PCK2: variants seen among roughly 807,000 people sequenced by gnomAD.
PCK2 encodes the protein phosphoenolpyruvate carboxykinase [GTP], mitochondrial.
A neutral mutation model predicts 65.9 loss-of-function variants in PCK2; 56 were observed. That is an observed-to-expected ratio of 0.85 (90% CI 0.69 to 1.06). The LOEUF is 1.06. Ranked by LOEUF, PCK2 falls within the 50% of genes least tolerant of loss-of-function variation. The pLI is 0.00. For missense variants in PCK2, 843 were observed against 863.1 expected, an observed-to-expected ratio of 0.98 and a Z score of 0.29; for synonymous variants, 305 against 319.6, an observed-to-expected ratio of 0.95 and a Z score of 0.49.
In PCK2 at chr14:24,103,510, G is replaced by A. The variant is rs747934849; in HGVS notation, c.1469G>A (p.Gly490Glu). ...CTTACCCATCTTGCTTCCCCCCCAG[G>A]GAAGATCATCATGCACGACCCATTT... ...SESTAAAEHK[G>E]KIIMHDPFAM... The change falls in exon 10 of 10, where the codon GGG becomes GAG. Residue 490 changes from glycine to glutamate, a missense_variant and splice_region_variant. Transcript: ENST00000216780. 7 of 1,543,540 alleles carry A rather than the reference G, an allele frequency of 4.5e-6. No homozygotes were observed. Among genetic ancestry groups the A allele is most frequent in the Non-Finnish European group, 5.2e-6 (6 of 1,144,640 alleles).
chr14:24,100,508 T>C, intron 7 of PCK2: 2 of 818,574 alleles, frequency 2.4e-6, no homozygotes, highest in African/African-American at 1.7e-5. Flanking sequence ...GATTAAATAG[T>C]GCATAAAAAG....
At position 24,094,597 on chromosome 14, in the gene PCK2, C is replaced by G. The variant is rs1174694315; in HGVS notation, c.29+163C>G. 1 of 1,457,866 alleles carries G rather than the reference C, an allele frequency of 6.9e-7. No homozygotes were observed. The highest frequency in any genetic ancestry group is 1.4e-5 in the African/African-American group (1 of 70,518). 90.3% of individuals were successfully genotyped at this position (1,457,866 alleles called of 1,614,324 possible). On this transcript the variant is annotated intron_variant, in intron 1 of 9. Transcript: ENST00000216780. The surrounding 1 kb of genome is among the most constrained non-coding windows in gnomAD (Gnocchi z 4.1). ...GGGTCCAGCCTCCCGCGCCGCGCGT[C>G]TCTTGGGAGGGCAGCCGGCCGGTGC...
At chr14:24,102,701 T>C (rs1157777285) in intron 7 of PCK2, 52 bp from the exon 8 acceptor site, 3 of 1,541,416 alleles carry the variant, frequency 1.9e-6, no homozygotes, top group African/African-American at 1.4e-5. Context: ...TATGTGTGTG[T>C]TGGGGGTCGA....
intron 7 of PCK2, 94 bp from the exon 8 acceptor site, chr14:24,102,659 A>C: frequency 8.6e-7 from 1 of 1,163,760 alleles, no homozygotes; most frequent in Non-Finnish European, 1.2e-6. Context: ...GGCAAAAAAA[A>C]AAAAAGAACC....
At chr14:24,102,542 A>T (rs1371046303) in intron 7 of PCK2, 1 of 543,662 alleles carries the variant, frequency 1.8e-6, no homozygotes, top group Admixed American at 3.3e-5. Flanking sequence ...CTTTTCTCAC[A>T]TAGCTCAGCT....
intron 7 of PCK2, 108 bp downstream of exon 7, chr14:24,100,321 C>A: frequency 6.6e-7 from 1 of 1,518,722 alleles, no homozygotes; most frequent in African/African-American, 1.4e-5. Flanking sequence ...CCAGGAGGCA[C>A]AGAAGTCATG....
chr14:24,094,287 A>T, upstream of PCK2: 5 of 979,332 alleles, frequency 5.1e-6, no homozygotes, highest in African/African-American at 1.7e-5. This position sits in a 1 kb window ranked among gnomAD's most constrained non-coding sequence, Gnocchi z 4.1. Context: ...CCTCCTTTTT[A>T]AGCGCCTCCC....
chr14:24,103,810 T>C lies in PCK2; in HGVS notation c.1769T>C (p.Ile590Thr), dbSNP rs749578321. 14 of 1,614,004 alleles carry C rather than the reference T, an allele frequency of 8.7e-6. No individual in the cohort carries two copies. The highest frequency in any genetic ancestry group is 3.3e-5 in the Admixed American group (2 of 60,002). ...TTGGATCTCAGCGGCCTCAGAGCTATAGACACCACTCAGCTGTTCTCCCTC... is the reference window on the plus strand; with the variant it reads ...TTGGATCTCAGCGGCCTCAGAGCTACAGACACCACTCAGCTGTTCTCCCTC... Reference protein sequence around the residue: ...GALDLSGLRAIDTTQLFSLPK... With the variant: ...GALDLSGLRATDTTQLFSLPK... The change falls in exon 10 of 10, where the codon ATA becomes ACA. Residue 590 changes from isoleucine to threonine, a missense_variant. Ile to Thr is a moderately conservative substitution (Grantham distance 89). Coordinates refer to ENST00000216780, the MANE Select transcript of PCK2 (RefSeq NM_004563.4).
In PCK2 at chr14:24,103,739, CA is replaced by C. The variant is rs769137289; in HGVS notation, c.1699del (p.Ser567ValfsTer24). The C allele has an allele frequency of 6.2e-7, 1 of 1,614,204 alleles. No homozygotes were observed. Among genetic ancestry groups the C allele is most frequent in the Non-Finnish European group, 8.5e-7 (1 of 1,180,026 alleles). ...WICRRLEGED[S>X]ARETPIGLVP... Reference sequence around the variant, plus strand: ...TCTGCCGGCGGTTAGAGGGGGAGGACAGTGCCCGAGAGACACCCATTGGGCT... The same window carrying C: ...TCTGCCGGCGGTTAGAGGGGGAGGACGTGCCCGAGAGACACCCATTGGGCT... On this transcript the variant is annotated frameshift_variant, in exon 10 of 10. Coordinates refer to ENST00000216780, the MANE Select transcript of PCK2 (RefSeq NM_004563.4). LOFTEE classifies it high-confidence loss of function.
chr14:24,103,267 C>T lies in PCK2; in HGVS notation c.1468+12C>T. The stretch of plus-strand genomic sequence containing the variant: ...AGCAGAACACAAAGGTGAGCACCCT[C>T]ACCATTCCTCCCTCTCCTGTGTGTG... On this transcript the variant is annotated intron_variant, in intron 9 of 9. Transcript: ENST00000216780. The T allele has an allele frequency of 6.3e-7, 1 of 1,598,806 alleles. No homozygotes were observed. Among genetic ancestry groups the T allele is most frequent in the East Asian group, 2.2e-5 (1 of 44,780 alleles).
chr14:24,103,007 C>G, intron 8 of PCK2, 117 bp downstream of exon 8: 1 of 1,307,676 alleles, frequency 7.6e-7, no homozygotes, highest in Non-Finnish European at 1.1e-6. Flanking sequence ...CAGAGTTCTC[C>G]CCTGGTGAAT....
In PCK2 at chr14:24,094,402, T is replaced by G. The variant is rs530765424; in HGVS notation, c.-4T>G. 13 of 1,557,970 alleles carry G rather than the reference T, an allele frequency of 8.3e-6. No individual in the cohort carries two copies. In the Admixed American group the frequency reaches 9.3e-5, roughly 11 times the overall value. ...GGCCACCCCGCAGCCCCTGCCCAGG[T>G]GCCATGGCCGCATTGTACCGCCCTG... On this transcript the variant is annotated 5_prime_UTR_variant, in exon 1 of 10. Transcript: ENST00000216780. This position sits in a 1 kb window ranked among gnomAD's most constrained non-coding sequence, Gnocchi z 4.1.
rs1308638287 is a variant in PCK2 at position 24,098,364 on chromosome 14, A to G, written c.437A>G (p.Glu146Gly). 6.2e-7 allele frequency: 1 copy of G among 1,613,052 alleles called. No homozygotes were observed. Among genetic ancestry groups the G allele is most frequent in the African/African-American group, 1.3e-5 (1 of 74,936 alleles). ...SPADFQRAVD[E>G]RFPGCMQGRT... is the part of the protein sequence containing the mutation. ...GCTGATTTCCAGCGAGCTGTGGATG[A>G]GAGGTTTCCAGGCTGCATGCAGGGT... Residue 146 changes from glutamate to glycine, a missense_variant, in exon 3 of 10, where the codon GAG becomes GGG. Transcript: ENST00000216780.
Position 24,098,206 on chromosome 14 carries a change from G to A in PCK2, c.279G>A (p.Trp93Ter), listed in dbSNP as rs770169595. 6.3e-6 allele frequency: 10 copies of A among 1,593,666 alleles called. No individual in the cohort carries two copies. Among genetic ancestry groups the A allele is most frequent in the Non-Finnish European group, 6.9e-6 (8 of 1,166,318 alleles). ...CTGACAATCCCCTCTCCCCCAGCTG[G>A]CTGGCCCGCACAGACCCCAAGGATG... ...IRKLPKYNNCWLARTDPKDVA... is the reference protein window; with the variant it reads ...IRKLPKYNNC Residue 93 changes from tryptophan (W) to a stop codon, truncating the protein, a stop_gained, in exon 3 of 10, where the codon TGG (tryptophan) becomes TGA (stop). Transcript: ENST00000216780. LOFTEE classifies it high-confidence loss of function.
chr14:24,099,946 C>T, intron 6 of PCK2, 49 bp from the exon 7 acceptor site: 1 of 1,614,032 alleles, frequency 6.2e-7, no homozygotes, highest in Non-Finnish European at 8.5e-7. Context: ...GGTCTTACAT[C>T]TCAAGTTTTC....
intron 7 of PCK2, 110 bp from the exon 8 acceptor site, chr14:24,102,643 T>C: frequency 1.1e-6 from 1 of 898,152 alleles, no homozygotes; most frequent in Non-Finnish European, 1.7e-6. Flanking sequence ...TCTAGGCAGC[T>C]GATGAGGCAA....
chr14:24,094,898 T>C lies in PCK2; in HGVS notation c.29+464T>C. The stretch of plus-strand genomic sequence containing the variant: ...AGAGCCCCCTAAAGAAGGTGGAAGG[T>C]TAAATATCCATTCCCGGCCTCTCCC... On this transcript the variant is annotated intron_variant, in intron 1 of 9. Coordinates refer to ENST00000216780, the MANE Select transcript of PCK2 (RefSeq NM_004563.4). The surrounding 1 kb of genome is among the most constrained non-coding windows in gnomAD (Gnocchi z 4.1). The C allele has an allele frequency of 8.1e-7, 1 of 1,233,168 alleles. No homozygotes were observed. The highest frequency in any genetic ancestry group is 1.1e-6 in the Non-Finnish European group (1 of 937,770). The allele number at this position is 1,233,168 out of a possible 1,614,324, so 76.4% of individuals were successfully genotyped here. A position where few individuals can be genotyped will look rare whatever the true frequency, so the allele number is the denominator to read the frequency against.
In PCK2 at chr14:24,094,318, G is replaced by T. The variant is rs949071358; in HGVS notation, c.-88G>T. On this transcript the variant is annotated 5_prime_UTR_variant, in exon 1 of 10. Coordinates refer to ENST00000216780, the MANE Select transcript of PCK2 (RefSeq NM_004563.4). The surrounding 1 kb of genome is among the most constrained non-coding windows in gnomAD (Gnocchi z 4.1). The stretch of plus-strand genomic sequence containing the variant: ...CTCCCGCCAGCCTCTGCTGTGGCTC[G>T]CTTCGCCGCGCTCCCTCCTTCCCCG... The T allele has an allele frequency of 7.5e-7, 1 of 1,339,518 alleles. No homozygotes were observed. The highest frequency in any genetic ancestry group is 1.0e-6 in the Non-Finnish European group (1 of 974,672). 83.0% of individuals were successfully genotyped at this position (1,339,518 alleles called of 1,614,324 possible).
At chr14:24,095,973 C>A (rs550694862) in intron 1 of PCK2, among the ~76,000 whole-genome samples, 29 of 152,306 alleles carry the variant, frequency 1.9e-4, no homozygotes, top group African/African-American at 6.7e-4. Context: ...AGCATCCAGT[C>A]ACCTATTCTC....
Sources: gnomAD v4.1 joint callset for allele counts (sites outside exome capture counted in the v4.1 genomes callset) on GRCh38, gnomAD v4.1.1 for gene constraint, Gnocchi (gnomAD v3.1) non-coding constraint, MANE v1.5 for transcripts, NCBI Gene and HGNC (gene_info 2026-07-23, HGNC 2026-07-21) for gene names.